LGMN: variants seen among roughly 807,000 people sequenced by gnomAD.
The protein encoded by LGMN is asparaginyl endopeptidase.
In LGMN, 36 loss-of-function variants were observed where a neutral mutation model predicts 56.8. The observed-to-expected ratio is 0.63, with a 90% CI of 0.49 to 0.84. The LOEUF is 0.84. Ranked by LOEUF, LGMN falls within the 40% of genes least tolerant of loss-of-function variation. The pLI, the probability that LGMN is intolerant of heterozygous loss-of-function variation, is 0.00. For missense variants in LGMN, 446 were observed against 556.1 expected (o/e 0.80, Z 1.99); for synonymous variants, 199 against 210.1 (o/e 0.95, Z 0.46).
chr14:92,717,847 G>A (rs886283796), intron 3 of LGMN, among the ~76,000 whole-genome samples: 2 of 152,236 alleles, frequency 1.3e-5, no homozygotes, highest in African/African-American at 2.4e-5. Flanking sequence ...GAGCTTAGGC[G>A]TTAAAGCGTC....
At chr14:92,719,278 ACCGCCG>A (rs1225678781) in intron 2 of LGMN, among the ~76,000 whole-genome samples, 23,634 of 54,594 alleles carry the variant, frequency 0.43, 3,787 homozygotes, top group Non-Finnish European at 0.48. Flanking sequence ...CGCCGCCGCC[ACCGCCG>A]CCGCCGCCGC....
chr14:92,739,489 C>G (rs536355225), intron 1 of LGMN, among the ~76,000 whole-genome samples: 1 of 152,162 alleles, frequency 6.6e-6, no homozygotes, highest in African/African-American at 2.4e-5. Context: ...CCAACAAACA[C>G]GGACTGAGCA....
intron 8 of LGMN, among the ~76,000 whole-genome samples, chr14:92,712,180 T>C (rs139636544): frequency 4.0e-4 from 61 of 152,348 alleles, no homozygotes; most frequent in African/African-American, 1.4e-3. Context: ...GGATGTTTTT[T>C]GCAGCAATTG....
chr14:92,736,580 A>G (rs1891318548), intron 1 of LGMN, among the ~76,000 whole-genome samples: 1 of 152,222 alleles, frequency 6.6e-6, no homozygotes, highest in Non-Finnish European at 1.5e-5. Context: ...TGGGTGACAG[A>G]GCGAGACCCT....
At chr14:92,736,258 G>C (rs1440897843) in intron 1 of LGMN, among the ~76,000 whole-genome samples, 1 of 152,100 alleles carries the variant, frequency 6.6e-6, no homozygotes, top group Non-Finnish European at 1.5e-5. Context: ...GTTAATCTTT[G>C]TAGAACTGCT....
intron 13 of LGMN, 96 bp from the exon 14 acceptor site, chr14:92,704,457 C>A: frequency 9.1e-7 from 1 of 1,103,472 alleles, no homozygotes; most frequent in South Asian, 1.3e-5. Flanking sequence ...GCAGTTATGA[C>A]AGGCCCGCCC....
chr14:92,730,302 A>G (rs1296945103), intron 2 of LGMN, among the ~76,000 whole-genome samples: 1 of 152,242 alleles, frequency 6.6e-6, no homozygotes, highest in Non-Finnish European at 1.5e-5. Context: ...CAAATTTCCT[A>G]TTCGGCTAAC....
In LGMN at chr14:92,740,203, G is replaced by A. The variant is rs1466484241; in HGVS notation, c.-29-7388C>T. 7.2e-5 allele frequency among the ~76,000 whole-genome samples: 11 copies of A among 152,292 alleles called. No homozygotes were observed. The South Asian group carries it at 1.0e-3, about 14-fold the overall frequency. On this transcript the variant is annotated intron_variant, in intron 1 of 13. Coordinates refer to ENST00000334869, the MANE Select transcript of LGMN (RefSeq NM_005606.7). The stretch of plus-strand genomic sequence containing the variant: ...GCAGAGGTTGCAGTGAGGCGAGATC[G>A]CGCCATTGCACTCCAGCCTGGGCAA...
At chr14:92,745,016 C>T (rs758869899) in intron 1 of LGMN, among the ~76,000 whole-genome samples, 4 of 152,106 alleles carry the variant, frequency 2.6e-5, no homozygotes, top group East Asian at 1.9e-4. Flanking sequence ...TTTGGGTCAA[C>T]GGTGGGCACA....
chr14:92,730,540 C>T (rs542115020), intron 2 of LGMN, among the ~76,000 whole-genome samples: 94 of 152,326 alleles, frequency 6.2e-4, no homozygotes, highest in Non-Finnish European at 1.1e-3. Flanking sequence ...AATCCTCCCA[C>T]TTCAGCCTCC....
At chr14:92,719,244 C>T (rs1389161217) in intron 2 of LGMN, among the ~76,000 whole-genome samples, 4 of 46,304 alleles carry the variant, frequency 8.6e-5, no homozygotes, top group African/African-American at 2.3e-4. Context: ...CCGCCACCAC[C>T]GCCACCACCA....
intron 2 of LGMN, among the ~76,000 whole-genome samples, chr14:92,725,582 CT>C (rs1232257502): frequency 8.1e-5 from 12 of 147,960 alleles, no homozygotes; most frequent in Middle Eastern, 3.5e-3. Context: ...TTTTCTTTTT[CT>C]TTTTTTTTTG....
At chr14:92,727,810 C>A (rs977454012) in intron 2 of LGMN, among the ~76,000 whole-genome samples, 12 of 152,208 alleles carry the variant, frequency 7.9e-5, no homozygotes, top group Non-Finnish European at 1.2e-4. Flanking sequence ...TATTTGTACA[C>A]CTACCCTAAA....
At chr14:92,723,591 C>A (rs75874430) in intron 2 of LGMN, among the ~76,000 whole-genome samples, 2,885 of 152,282 alleles carry the variant, frequency 0.019, 98 homozygotes, top group African/African-American at 0.065. Context: ...AAAAACATGA[C>A]ACTAGGGGAA....
rs143184687 is a variant in LGMN, at chr14:92,706,558, C to T, written c.1116G>A (p.Pro372=). 0.018 allele frequency: 29,579 copies of T among 1,602,434 alleles called. 350 individuals carry two copies. The highest frequency in any genetic ancestry group is 0.022 in the Non-Finnish European group (25,701 of 1,170,728). Residue 372 remains proline (P), a synonymous_variant, in exon 12 of 14, where the codon CCG becomes CCA. Coordinates refer to ENST00000334869, the MANE Select transcript of LGMN (RefSeq NM_005606.7). The part of the protein sequence containing the change: ...EVEQLLSERA[P]LTGHSCYPEA... ...CTGGGTAGCAGCTGTGCCCCGTGAGCGGGGCTCTCTCGGACAGGAGCTGCT... is the reference window on the plus strand; with the variant it reads ...CTGGGTAGCAGCTGTGCCCCGTGAGTGGGGCTCTCTCGGACAGGAGCTGCT...
Position 92,704,149 on chromosome 14 carries a change from G to A in LGMN, c.*170C>T. ...TTTTCAGAAAAGACTGGGGAAGCAG[G>A]TAACAGCGAGCAAGTCATCTTGTGA... On this transcript the variant is annotated 3_prime_UTR_variant, in exon 14 of 14. Transcript: ENST00000334869. 1 of 790,702 alleles carries A rather than the reference G, an allele frequency of 1.3e-6. No homozygotes were observed. The highest frequency in any genetic ancestry group is 1.4e-5 in the South Asian group (1 of 71,306). 49.0% of individuals were successfully genotyped at this position (790,702 alleles called of 1,614,324 possible).
intron 3 of LGMN, among the ~76,000 whole-genome samples, chr14:92,718,060 T>C (rs1238337513): frequency 7.2e-5 from 11 of 152,148 alleles, no homozygotes; most frequent in Admixed American, 6.5e-4. Flanking sequence ...AAAATAAGTA[T>C]AGAAAGAAGG....
At chr14:92,726,094 G>A (rs531638092) in intron 2 of LGMN, among the ~76,000 whole-genome samples, 3 of 151,530 alleles carry the variant, frequency 2.0e-5, no homozygotes, top group South Asian at 2.1e-4. Context: ...AAAATTAGCC[G>A]GGCGTGGTGG....
Position 92,711,651 on chromosome 14 carries a change from C to G in LGMN, c.819+8G>C. 6.2e-7 allele frequency: 1 copy of G among 1,613,430 alleles called. No individual in the cohort carries two copies. Among genetic ancestry groups the G allele is most frequent in the Non-Finnish European group, 8.5e-7 (1 of 1,179,360 alleles). ...ACAGAGGGCCAGCACGCGAGGCTCC[C>G]GACTCACTTTGTTTCCATACTGCAT... On this transcript the variant is annotated splice_region_variant and intron_variant, in intron 10 of 13. Coordinates refer to ENST00000334869, the MANE Select transcript of LGMN (RefSeq NM_005606.7).
Sources: allele counts gnomAD v4.1 joint callset (sites outside exome capture counted in the v4.1 genomes callset), GRCh38; gene constraint gnomAD v4.1.1; transcripts MANE v1.5; gene names NCBI Gene and HGNC (gene_info 2026-07-23, HGNC 2026-07-21).